YPEL5: variants seen among roughly 807,000 people sequenced by gnomAD.
YPEL5 encodes protein yippee-like 5.
Under a neutral mutation model 10.5 loss-of-function variants are expected in YPEL5, and 1 was observed. The ratio of observed to expected loss-of-function variants is 0.10; its 90% confidence interval spans 0.03 to 0.45. YPEL5 has a LOEUF of 0.45. Ranked by LOEUF, YPEL5 falls within the 20% of genes least tolerant of loss-of-function variation. The pLI, the probability that YPEL5 is intolerant of heterozygous loss-of-function variation, is 0.97. For missense variants in YPEL5, 68 were observed against 159.3 expected, an observed-to-expected ratio of 0.43 and a Z score of 3.09; for synonymous variants, 61 against 56.6, an observed-to-expected ratio of 1.08 and a Z score of -0.35.
At chr2:30,148,458 C>A (rs775317916) in intron 1 of YPEL5, 1 of 152,200 alleles carries the variant, frequency 6.6e-6, no homozygotes, top group Admixed American at 6.5e-5. Flanking sequence ...CTGTGGTGTT[C>A]CCAGGGTACA....
rs1676197794 is a variant in YPEL5, at chr2:30,159,638, T to C, written c.*795T>C. 1.3e-5 allele frequency: 2 copies of C among 152,402 alleles called. No individual in the cohort carries two copies. The highest frequency in any genetic ancestry group is 4.8e-5 in the African/African-American group (2 of 41,456). The allele number at this position is 152,402 out of a possible 1,614,324, so 9.4% of individuals were successfully genotyped here. A position where few individuals can be genotyped will look rare whatever the true frequency, so the allele number is the denominator to read the frequency against. On this transcript the variant is annotated 3_prime_UTR_variant, in exon 3 of 3. Transcript: ENST00000261353. ...AATTTTCATAGTAGTAAAGTTTTTT[T>C]TCATCTCTTAAACTAAATTGACCAT... is the stretch of plus-strand genomic sequence containing the variant.
In YPEL5 at chr2:30,160,285, A is replaced by G. The variant is rs988137133; in HGVS notation, c.*1442A>G. 3 of 152,234 alleles carry G rather than the reference A, an allele frequency of 2.0e-5. No individual in the cohort carries two copies. Among genetic ancestry groups the G allele is most frequent in the Non-Finnish European group, 4.4e-5 (3 of 68,040 alleles). 9.4% of individuals were successfully genotyped at this position (152,234 alleles called of 1,614,324 possible). A position where few individuals can be genotyped will look rare whatever the true frequency, so the allele number is the denominator to read the frequency against. ...TAAAAGTGACTTCTGAGTACAGTTA[A>G]GTTCCTCCTATTTGCCACTGGGCTG... On this transcript the variant is annotated 3_prime_UTR_variant, in exon 3 of 3. Coordinates refer to ENST00000261353, the MANE Select transcript of YPEL5 (RefSeq NM_016061.3).
chr2:30,157,915 C>T (rs1462831606), intron 2 of YPEL5, among the ~76,000 whole-genome samples: 3 of 152,236 alleles, frequency 2.0e-5, no homozygotes, highest in Non-Finnish European at 4.4e-5. Flanking sequence ...TTGTCTACAG[C>T]TTCTTTCATG....
rs181536904 is a variant in YPEL5 at position 30,154,148 on chromosome 2, C to A, written c.-24-2480C>A. ...AAATTGGCTTTAAAATAATGAATCC[C>A]AGACCCCTAGCTGGAGGTTACAAAT... On this transcript the variant is annotated intron_variant, in intron 1 of 2. Coordinates refer to ENST00000261353, the MANE Select transcript of YPEL5 (RefSeq NM_016061.3). Among the ~76,000 whole-genome samples, 841 of 152,294 alleles carry A rather than the reference C, an allele frequency of 5.5e-3. 9 individuals are homozygous for A. Among genetic ancestry groups the A allele is most frequent in the African/African-American group, 0.019 (798 of 41,554 alleles).
At chr2:30,156,176 C>T (rs1572759161) in intron 1 of YPEL5, among the ~76,000 whole-genome samples, 1 of 152,206 alleles carries the variant, frequency 6.6e-6, no homozygotes, top group African/African-American at 2.4e-5. Context: ...TTCTTGTTTT[C>T]TAATTGCCCC....
At chr2:30,150,545 T>C (rs150002063) in intron 1 of YPEL5, among the ~76,000 whole-genome samples, 20 of 152,300 alleles carry the variant, frequency 1.3e-4, no homozygotes, top group Admixed American at 2.6e-4. Flanking sequence ...CTGGTAGATA[T>C]TATCTATTTT....
chr2:30,150,486 A>G lies in YPEL5; in HGVS notation c.-25+3424A>G, dbSNP rs547461827. Among the ~76,000 whole-genome samples the G allele has an allele frequency of 7.2e-5, 11 of 152,374 alleles. No individual in the cohort carries two copies. The East Asian group carries it at 2.1e-3, about 29-fold the overall frequency. On this transcript the variant is annotated intron_variant, in intron 1 of 2. Transcript: ENST00000261353. ...ACCTAGGAATCTCCAGAATTCAAGT[A>G]TCTGAGCTCCACAGTTTAAGTCCTG...
intron 1 of YPEL5, among the ~76,000 whole-genome samples, chr2:30,152,183 A>G (rs1049435632): frequency 6.6e-6 from 1 of 152,236 alleles, no homozygotes; most frequent in Non-Finnish European, 1.5e-5. Context: ...TTTTTAAAAA[A>G]TAACCTGCAA....
Position 30,158,683 on chromosome 2 carries a change from G to A in YPEL5, c.206G>A (p.Arg69Gln). ...RVMLTGRHMV[R>Q]DVSCKNCNSK... is the part of the protein sequence containing the mutation. ...ATGCTCACTGGCCGCCACATGGTTC[G>A]AGATGTGAGCTGCAAAAACTGCAAT... is the stretch of plus-strand genomic sequence containing the variant. The change falls in exon 3 of 3, where the codon CGA (arginine) becomes CAA (glutamine). Residue 69 changes from arginine (R) to glutamine (Q), a missense_variant. Arg to Gln is a conservative substitution (Grantham distance 43). Transcript: ENST00000261353. 1 of 1,614,162 alleles carries A rather than the reference G, an allele frequency of 6.2e-7. No homozygotes were observed. Among genetic ancestry groups the A allele is most frequent in the Non-Finnish European group, 8.5e-7 (1 of 1,180,034 alleles).
rs1225341599 is a variant in YPEL5, at chr2:30,159,431, A to T, written c.*588A>T. On this transcript the variant is annotated 3_prime_UTR_variant, in exon 3 of 3. Transcript: ENST00000261353. ...TTGGCCCAAAGATGTCACCATTCCT[A>T]GTTATTTGTCACCACATAATTGGTG... 1 of 152,814 alleles carries T rather than the reference A, an allele frequency of 6.5e-6. No homozygotes were observed. Among genetic ancestry groups the T allele is most frequent in the Non-Finnish European group, 1.5e-5 (1 of 68,264 alleles). 9.5% of individuals were successfully genotyped at this position (152,814 alleles called of 1,614,324 possible). A position where few individuals can be genotyped will look rare whatever the true frequency, so the allele number is the denominator to read the frequency against.
intron 1 of YPEL5, among the ~76,000 whole-genome samples, chr2:30,150,213 T>G (rs965294763): frequency 6.6e-6 from 1 of 152,256 alleles, no homozygotes; most frequent in Non-Finnish European, 1.5e-5. Flanking sequence ...ATATCCTTTG[T>G]GAGCCATGCT....
rs1009761961 is a variant in YPEL5, at chr2:30,160,049, A to G, written c.*1206A>G. 1.3e-5 allele frequency: 2 copies of G among 152,672 alleles called. No individual in the cohort carries two copies. Among genetic ancestry groups the G allele is most frequent in the East Asian group, 3.8e-4 (2 of 5,202 alleles). The allele number at this position is 152,672 out of a possible 1,614,324, so 9.5% of individuals were successfully genotyped here. Reference sequence around the variant, plus strand: ...GTTATTTTAGCCCCAAATTTATGACATTACACAATATTAAAATGTAAATGT... The same window carrying G: ...GTTATTTTAGCCCCAAATTTATGACGTTACACAATATTAAAATGTAAATGT... On this transcript the variant is annotated 3_prime_UTR_variant, in exon 3 of 3. Transcript: ENST00000261353.
intron 1 of YPEL5, chr2:30,147,367 C>T (rs561345406): frequency 1.3e-5 from 2 of 148,654 alleles, no homozygotes; most frequent in Non-Finnish European, 3.0e-5. Flanking sequence ...ACAGCCGCAA[C>T]CCCTCCGCGC....
In YPEL5 at chr2:30,159,405, C is replaced by T. The variant is rs183407096; in HGVS notation, c.*562C>T. On this transcript the variant is annotated 3_prime_UTR_variant, in exon 3 of 3. Transcript: ENST00000261353. Reference sequence around the variant, plus strand: ...CCAGAGCCCATTCTTCCTTGTCAGTCTTGGCCCAAAGATGTCACCATTCCT... The same window carrying T: ...CCAGAGCCCATTCTTCCTTGTCAGTTTTGGCCCAAAGATGTCACCATTCCT... 1 of 153,296 alleles carries T rather than the reference C, an allele frequency of 6.5e-6. No individual in the cohort carries two copies. The highest frequency in any genetic ancestry group is 1.9e-4 in the East Asian group (1 of 5,192). 9.5% of individuals were successfully genotyped at this position (153,296 alleles called of 1,614,324 possible). A position where few individuals can be genotyped will look rare whatever the true frequency, so the allele number is the denominator to read the frequency against.
chr2:30,157,100 T>C (rs1558359353), intron 2 of YPEL5, among the ~76,000 whole-genome samples: 1 of 152,148 alleles, frequency 6.6e-6, no homozygotes, highest in Non-Finnish European at 1.5e-5. Context: ...CTGGCCAACA[T>C]GGTGAAACAC....
At chr2:30,147,553 T>A (rs1269981523) in intron 1 of YPEL5, 2 of 146,302 alleles carry the variant, frequency 1.4e-5, no homozygotes, top group Non-Finnish European at 3.0e-5. Flanking sequence ...CCGCCCCGAA[T>A]CCAAGTCGGA....
chr2:30,149,264 A>G (rs1428833441), intron 1 of YPEL5, among the ~76,000 whole-genome samples: 3 of 152,214 alleles, frequency 2.0e-5, no homozygotes, highest in Non-Finnish European at 2.9e-5. Context: ...AGGAAAAAAT[A>G]AGGCATTATT....
intron 1 of YPEL5, among the ~76,000 whole-genome samples, chr2:30,156,166 T>C (rs1676029960): frequency 6.6e-6 from 1 of 152,034 alleles, no homozygotes; most frequent in Non-Finnish European, 1.5e-5. Flanking sequence ...GACTACTCTC[T>C]TCTTGTTTTC....
At position 30,158,792 on chromosome 2, in the gene YPEL5, A is replaced by T; in HGVS notation, c.315A>T (p.Leu105=). The T allele has an allele frequency of 6.2e-7, 1 of 1,614,222 alleles. No homozygotes were observed. Among genetic ancestry groups the T allele is most frequent in the Non-Finnish European group, 8.5e-7 (1 of 1,180,034 alleles). ...GCCGCGTGATCCTGGAACGTGCTCT[A>T]GTTCGAGAGAGTGAGGGCTTTGAGG... ...KEGRVILERA[L]VRESEGFEEH... The change falls in exon 3 of 3, where the codon CTA becomes CTT. Residue 105 remains leucine (L), a synonymous_variant. Coordinates refer to ENST00000261353, the MANE Select transcript of YPEL5 (RefSeq NM_016061.3).
Sources: allele counts gnomAD v4.1 joint callset (sites outside exome capture counted in the v4.1 genomes callset), GRCh38; gene constraint gnomAD v4.1.1; transcripts MANE v1.5; gene names NCBI Gene and HGNC (gene_info 2026-07-23, HGNC 2026-07-21).